Variants in PAQR5 observed in about 807,000 individuals in gnomAD.
PAQR5 encodes the protein membrane progestin receptor gamma.
In PAQR5, 20 loss-of-function variants were observed where a neutral mutation model predicts 34.5. The ratio of observed to expected loss-of-function variants is 0.58; its 90% CI spans 0.41 to 0.84. PAQR5 has a LOEUF of 0.84. PAQR5 is among the 40% of genes least tolerant of loss of function. The probability of loss-of-function intolerance (pLI) is 0.00; values close to 1 mark genes in which losing one functional copy is unlikely to be tolerated. For synonymous variants in PAQR5, 131 were observed against 155.6 expected (o/e 0.84, Z 1.18); for missense variants, 378 against 412.7 (o/e 0.92, Z 0.73).
At chr15:69,322,500 A>C (rs2054120530) in intron 1 of PAQR5, among the ~76,000 whole-genome samples, 1 of 146,992 alleles carries the variant, frequency 6.8e-6, no homozygotes. Flanking sequence ...CAAGAAAAAA[A>C]CCTAGCTAGG....
chr15:69,350,778 C>T (rs901248790), intron 2 of PAQR5, among the ~76,000 whole-genome samples: 2 of 152,150 alleles, frequency 1.3e-5, no homozygotes, highest in African/African-American at 4.8e-5. Context: ...CCCAAAAACC[C>T]TTGAATATAG....
At chr15:69,361,910 A>T (rs2055244417) in intron 3 of PAQR5, among the ~76,000 whole-genome samples, 1 of 150,698 alleles carries the variant, frequency 6.6e-6, no homozygotes, top group African/African-American at 2.5e-5. Context: ...TGGAAGGAGC[A>T]GTGTGAGCAA....
chr15:69,394,443 C>T (rs1371449087), intron 6 of PAQR5, among the ~76,000 whole-genome samples: 8 of 152,226 alleles, frequency 5.3e-5, no homozygotes, highest in African/African-American at 1.9e-4. Flanking sequence ...ATAACTACCG[C>T]CCCCATGTAC....
intron 2 of PAQR5, among the ~76,000 whole-genome samples, chr15:69,347,815 C>T (rs2054814325): frequency 1.3e-5 from 2 of 152,142 alleles, no homozygotes; most frequent in South Asian, 2.1e-4. Flanking sequence ...TTTATCAGGG[C>T]GTTAAGTCCC....
intron 6 of PAQR5, 120 bp downstream of exon 6, chr15:69,389,900 G>A (rs1341714900): frequency 2.5e-6 from 3 of 1,181,510 alleles, no homozygotes; most frequent in African/African-American, 3.0e-5. Context: ...GGGAACCTAG[G>A]ACTCCGTTCC....
chr15:69,358,805 A>G (rs915858755), intron 2 of PAQR5, among the ~76,000 whole-genome samples: 1 of 151,726 alleles, frequency 6.6e-6, no homozygotes, highest in Non-Finnish European at 1.5e-5. Context: ...TTGTAGAAAC[A>G]AGGTCTCACT....
rs558657801 is a variant in PAQR5 at position 69,312,583 on chromosome 15, C to T, written c.-277+13527C>T. ...CGCTCCCATCTGAAGTGAGCCTCAG[C>T]CCTCTTGGTGCCTTCTTCCTCCCCA... is the stretch of plus-strand genomic sequence containing the variant. On this transcript the variant is annotated intron_variant, in intron 1 of 8. Coordinates refer to ENST00000395407, the MANE Select transcript of PAQR5 (RefSeq NM_017705.4). Among the ~76,000 whole-genome samples the T allele has an allele frequency of 5.9e-5, 9 of 151,818 alleles. No individual in the cohort carries two copies. The East Asian group carries it at 1.6e-3, about 26-fold the overall frequency.
intron 1 of PAQR5, among the ~76,000 whole-genome samples, chr15:69,310,914 C>A (rs2053816877): frequency 6.6e-6 from 1 of 151,394 alleles, no homozygotes; most frequent in African/African-American, 2.4e-5. Context: ...TGGCGGGCGC[C>A]TGTAGTCCCA....
At chr15:69,311,017 C>T (rs2053820309) in intron 1 of PAQR5, among the ~76,000 whole-genome samples, 1 of 104,986 alleles carries the variant, frequency 9.5e-6, no homozygotes, top group African/African-American at 3.8e-5. Context: ...CCAGCCTGGG[C>T]AACAGAGCAA....
At chr15:69,326,298 T>C (rs2054249523) in intron 1 of PAQR5, among the ~76,000 whole-genome samples, 1 of 152,036 alleles carries the variant, frequency 6.6e-6, no homozygotes, top group African/African-American at 2.4e-5. Flanking sequence ...AACCTAAGGG[T>C]GAGTATCCAT....
chr15:69,302,844 A>G (rs1163507824), intron 1 of PAQR5, among the ~76,000 whole-genome samples: 1 of 152,136 alleles, frequency 6.6e-6, no homozygotes, highest in African/African-American at 2.4e-5. Flanking sequence ...TCCTGCCACC[A>G]TTCTTGACTC....
intron 3 of PAQR5, among the ~76,000 whole-genome samples, chr15:69,364,259 G>A (rs1290015309): frequency 2.0e-5 from 3 of 151,936 alleles, no homozygotes; most frequent in African/African-American, 7.3e-5. Context: ...CCAGCCCAGT[G>A]CTATTCAGAG....
At chr15:69,386,233 TCACA>T (rs779997396) in intron 5 of PAQR5, among the ~76,000 whole-genome samples, 5 of 145,704 alleles carry the variant, frequency 3.4e-5, no homozygotes, top group African/African-American at 7.7e-5. Context: ...CTCACATACA[TCACA>T]CACACACACC....
intron 2 of PAQR5, 147 bp downstream of exon 2, chr15:69,337,648 T>G (rs1015833152): frequency 1.3e-5 from 2 of 152,240 alleles, no homozygotes; most frequent in African/African-American, 4.8e-5. Context: ...TATCTGAGAT[T>G]CTTCATGGAA....
intron 1 of PAQR5, among the ~76,000 whole-genome samples, chr15:69,329,855 T>A (rs1358092791): frequency 6.6e-6 from 1 of 152,180 alleles, no homozygotes; most frequent in Non-Finnish European, 1.5e-5. Context: ...ATGTGTTCTT[T>A]GTAGTAATAG....
At chr15:69,352,986 G>C (rs943053162) in intron 2 of PAQR5, among the ~76,000 whole-genome samples, 2 of 152,196 alleles carry the variant, frequency 1.3e-5, no homozygotes, top group African/African-American at 4.8e-5. Context: ...TGGATAGAAT[G>C]ACCTGTTCTG....
At chr15:69,310,854 C>T (rs950382033) in intron 1 of PAQR5, among the ~76,000 whole-genome samples, 7 of 151,280 alleles carry the variant, frequency 4.6e-5, no homozygotes, top group East Asian at 1.9e-4. Context: ...CTGGCTAACA[C>T]GGTGAAACCC....
intron 6 of PAQR5, among the ~76,000 whole-genome samples, chr15:69,395,679 A>G (rs766040885): frequency 9.9e-5 from 15 of 152,282 alleles, no homozygotes; most frequent in Middle Eastern, 3.4e-3. Flanking sequence ...GTGGTTGTGA[A>G]GGGCAGGGTC....
intron 1 of PAQR5, among the ~76,000 whole-genome samples, chr15:69,322,722 GAAGAAGAA>G (rs2054131642): frequency 4.0e-5 from 1 of 24,802 alleles, no homozygotes; most frequent in Non-Finnish European, 8.9e-5. Flanking sequence ...AGAAGAAGAA[GAAGAAGAA>G]GAAGAAGAAG....
Sources: gnomAD v4.1 joint callset for allele counts (sites outside exome capture counted in the v4.1 genomes callset) on GRCh38, gnomAD v4.1.1 for gene constraint, MANE v1.5 for transcripts, NCBI Gene and HGNC (gene_info 2026-07-23, HGNC 2026-07-21) for gene names.